Variants in LRRC4B observed in about 807,000 individuals in gnomAD.
LRRC4B encodes leucine rich repeat containing 4B.
A neutral mutation model predicts 7.3 loss-of-function variants in LRRC4B; 1 was observed. That is an observed-to-expected ratio of 0.14 (90% confidence interval 0.05 to 0.65). LRRC4B has a LOEUF of 0.65. Ranked by LOEUF, LRRC4B falls within the 30% of genes least tolerant of loss-of-function variation. The pLI is 0.84. For synonymous variants in LRRC4B, 500 were observed against 499.2 expected (o/e 1.00, Z -0.02); for missense variants, 730 against 1,041.6 (o/e 0.70, Z 4.12).
intron 1 of LRRC4B, among the ~76,000 whole-genome samples, chr19:50,565,668 C>A (rs1444592159): frequency 1.3e-5 from 2 of 151,970 alleles, no homozygotes; most frequent in Non-Finnish European, 2.9e-5. Flanking sequence ...AAGTCAGAAG[C>A]GGCCTCTAAT....
intron 2 of LRRC4B, among the ~76,000 whole-genome samples, chr19:50,544,088 T>G (rs2122876798): frequency 6.6e-6 from 1 of 151,974 alleles, no homozygotes; most frequent in Non-Finnish European, 1.5e-5. Context: ...GCGCCTGTAA[T>G]CCCAGCTACT....
intron 1 of LRRC4B, among the ~76,000 whole-genome samples, chr19:50,552,620 C>CCATT (rs1195463734): frequency 3.2e-5 from 4 of 124,118 alleles, no homozygotes; most frequent in African/African-American, 6.5e-5. Flanking sequence ...ATCCATCCAT[C>CCATT]CATCCATTCA....
intron 2 of LRRC4B, among the ~76,000 whole-genome samples, chr19:50,529,253 G>T (rs113190657): frequency 6.6e-6 from 1 of 152,050 alleles, no homozygotes. Flanking sequence ...TGCACCTGGC[G>T]TGTTGAAGCT....
chr19:50,552,971 C>T (rs902360773), intron 1 of LRRC4B, among the ~76,000 whole-genome samples: 53 of 152,318 alleles, frequency 3.5e-4, no homozygotes, highest in African/African-American at 1.1e-3. Flanking sequence ...AACCTCGGGC[C>T]GGTGGCTTAT....
chr19:50,558,749 T>C (rs979067844), intron 1 of LRRC4B, among the ~76,000 whole-genome samples: 1 of 152,224 alleles, frequency 6.6e-6, no homozygotes, highest in Non-Finnish European at 1.5e-5. Flanking sequence ...TTGGACAGCA[T>C]GGATCTAACC....
At chr19:50,527,740 CTTTT>C (rs1980880437) in intron 2 of LRRC4B, among the ~76,000 whole-genome samples, 1 of 92,218 alleles carries the variant, frequency 1.1e-5, no homozygotes, top group Admixed American at 1.4e-4. Flanking sequence ...TTCTCTCTTT[CTTTT>C]CTTTTTTTCT....
Position 50,552,966 on chromosome 19 carries a change from C to T in LRRC4B, c.-35-4093G>A, listed in dbSNP as rs552140114. ...TCTGCTGCCACTTCCCGTGTAACCTCGGGCCGGTGGCTTATTCTCCCAAGC... is the reference window on the plus strand; with the variant it reads ...TCTGCTGCCACTTCCCGTGTAACCTTGGGCCGGTGGCTTATTCTCCCAAGC... On this transcript the variant is annotated intron_variant, in intron 1 of 2. Coordinates refer to ENST00000652263, the MANE Select transcript of LRRC4B (RefSeq NM_001080457.2). Among the ~76,000 whole-genome samples, 11 of 152,330 alleles carry T rather than the reference C, an allele frequency of 7.2e-5. 1 individual carries two copies. In the South Asian group the frequency reaches 1.5e-3, roughly 20 times the overall value.
At chr19:50,552,278 C>T (rs545643798) in intron 1 of LRRC4B, among the ~76,000 whole-genome samples, 1 of 151,720 alleles carries the variant, frequency 6.6e-6, no homozygotes, top group South Asian at 2.1e-4. Context: ...CCCCTGTACC[C>T]CAGGAACTCC....
intron 2 of LRRC4B, among the ~76,000 whole-genome samples, chr19:50,530,174 G>C (rs1150929): frequency 0.78 from 118,469 of 151,976 alleles, 47,062 homozygotes; most frequent in African/African-American, 0.95. Context: ...TCCTGCCTGG[G>C]CTTCAGTCTC....
At chr19:50,521,827 T>A (rs1410154367) in intron 2 of LRRC4B, among the ~76,000 whole-genome samples, 1 of 151,994 alleles carries the variant, frequency 6.6e-6, no homozygotes, top group Admixed American at 6.6e-5. Context: ...CCCAAAGTGC[T>A]GGGAAATTAC....
chr19:50,536,635 A>G (rs1333988517), intron 2 of LRRC4B, among the ~76,000 whole-genome samples: 1 of 152,170 alleles, frequency 6.6e-6, no homozygotes, highest in Non-Finnish European at 1.5e-5. Context: ...GCAGGGAGAA[A>G]GATGCACGGG....
In LRRC4B at chr19:50,519,408, C is replaced by G; in HGVS notation, c.305G>C (p.Arg102Pro). 1 of 1,592,738 alleles carries G rather than the reference C, an allele frequency of 6.3e-7. No individual in the cohort carries two copies. The highest frequency in any genetic ancestry group is 8.5e-7 in the Non-Finnish European group (1 of 1,172,826). Residue 102 changes from arginine (R) to proline (P), a missense_variant, in exon 3 of 3, where the codon CGG becomes CCG. Coordinates refer to ENST00000652263, the MANE Select transcript of LRRC4B (RefSeq NM_001080457.2). This position sits in a 1 kb window ranked among gnomAD's most constrained non-coding sequence, Gnocchi z 8.1. ...NLQENGIQVI[R>P]TDTFKHLRHL... ...CCGCAGGTGCTTGAACGTGTCCGTC[C>G]GGATCACCTGGGGAGAGGGAGACAC...
chr19:50,536,377 C>T (rs1191425730), intron 2 of LRRC4B, among the ~76,000 whole-genome samples: 1 of 152,156 alleles, frequency 6.6e-6, no homozygotes, highest in East Asian at 1.9e-4. Flanking sequence ...CAAGTGAGCA[C>T]CCGCCTCAGC....
At chr19:50,544,715 T>C (rs1981724171) in intron 2 of LRRC4B, among the ~76,000 whole-genome samples, 1 of 152,090 alleles carries the variant, frequency 6.6e-6, no homozygotes. Context: ...GTATATTTTC[T>C]AGTTTTTCTC....
At chr19:50,543,335 G>GGTGTGTGTGTGTGTGTGTGTGTGTGT (rs143123202) in intron 2 of LRRC4B, among the ~76,000 whole-genome samples, 147 of 145,282 alleles carry the variant, frequency 1.0e-3, no homozygotes, top group African/African-American at 3.0e-3. Flanking sequence ...GCCAGGCCCT[G>GGTGTGTGTGTGTGTGTGTGTGTGTGT]GTGTGTGTGT....
chr19:50,550,448 G>C (rs1323341940), intron 1 of LRRC4B, among the ~76,000 whole-genome samples: 1 of 74,126 alleles, frequency 1.3e-5, no homozygotes, highest in African/African-American at 5.0e-5. Flanking sequence ...CCCTCTCACG[G>C]TGGACTCTCA....
rs1982175278 is a variant in LRRC4B, at chr19:50,553,635, C to G, written c.-35-4762G>C. ...CCCCTATCCCTCTCCAGAACCTTCT[C>G]TGTTTCCTTTTTCTCCATGACATTT... On this transcript the variant is annotated intron_variant, in intron 1 of 2. Coordinates refer to ENST00000652263, the MANE Select transcript of LRRC4B (RefSeq NM_001080457.2). This position sits in a 1 kb window ranked among gnomAD's most constrained non-coding sequence, Gnocchi z 4.2. Among the ~76,000 whole-genome samples, 1 of 152,234 alleles carries G rather than the reference C, an allele frequency of 6.6e-6. No individual in the cohort carries two copies. The highest frequency in any genetic ancestry group is 1.5e-5 in the Non-Finnish European group (1 of 68,044).
intron 1 of LRRC4B, among the ~76,000 whole-genome samples, chr19:50,559,586 C>T (rs1982398251): frequency 6.6e-6 from 1 of 152,232 alleles, no homozygotes; most frequent in Non-Finnish European, 1.5e-5. Context: ...GTATTTGTTG[C>T]CAAGGCTCAG....
At chr19:50,534,047 C>T (rs956269513) in intron 2 of LRRC4B, among the ~76,000 whole-genome samples, 3 of 152,156 alleles carry the variant, frequency 2.0e-5, no homozygotes, top group East Asian at 3.9e-4. Context: ...TGTATTGTTT[C>T]GCTCATTTGA....
Sources: allele counts gnomAD v4.1 joint callset (sites outside exome capture counted in the v4.1 genomes callset), GRCh38; gene constraint gnomAD v4.1.1; non-coding constraint Gnocchi (gnomAD v3.1); transcripts MANE v1.5; gene names NCBI Gene and HGNC (gene_info 2026-07-23, HGNC 2026-07-21).